The following GBE1 variants were observed in gnomAD, a reference collection of about 807,000 sequenced individuals.
The protein encoded by GBE1 is 1,4-alpha-glucan-branching enzyme.
GBE1 carries 70 observed loss-of-function variants against 88.8 expected under a neutral mutation model. The observed-to-expected ratio is 0.79, with a 90% CI of 0.65 to 0.96. The LOEUF (loss-of-function observed/expected upper bound fraction) is 0.96. GBE1 is among the 40% of genes least tolerant of loss of function. The pLI, the probability that GBE1 is intolerant of heterozygous loss-of-function variation, is 0.00. For synonymous variants in GBE1, 284 were observed against 300.1 expected, an observed-to-expected ratio of 0.95 and a Z score of 0.56; for missense variants, 872 against 871.0, an observed-to-expected ratio of 1.00 and a Z score of -0.01.
At chr3:81,663,030 G>A (rs138358300) in intron 3 of GBE1, among the ~76,000 whole-genome samples, 157 of 152,282 alleles carry the variant, frequency 1.0e-3, no homozygotes, top group African/African-American at 3.4e-3. Flanking sequence ...GTCACAAAGA[G>A]TGGAAAACTC....
chr3:81,540,545 C>G (rs571838560), intron 12 of GBE1, among the ~76,000 whole-genome samples: 1 of 152,128 alleles, frequency 6.6e-6, no homozygotes, highest in East Asian at 1.9e-4. Context: ...ATACAGGTAA[C>G]AAGGATGAAT....
At chr3:81,741,235 C>G (rs1407387677) in intron 1 of GBE1, among the ~76,000 whole-genome samples, 1 of 152,062 alleles carries the variant, frequency 6.6e-6, no homozygotes, top group Non-Finnish European at 1.5e-5. Flanking sequence ...TCCATTAATG[C>G]AAAAGTGGTT....
intron 3 of GBE1, among the ~76,000 whole-genome samples, chr3:81,668,839 T>TAG (rs1221320025): frequency 6.6e-6 from 1 of 152,192 alleles, no homozygotes; most frequent in Non-Finnish European, 1.5e-5. Context: ...CTTAGCTTGA[T>TAG]AGTTACTTCC....
At chr3:81,581,648 C>T (rs979147303) in intron 10 of GBE1, among the ~76,000 whole-genome samples, 3 of 151,970 alleles carry the variant, frequency 2.0e-5, no homozygotes, top group Admixed American at 6.6e-5. Flanking sequence ...GGTAGAGATA[C>T]ACTTGTTATA....
At chr3:81,520,990 G>A (rs981609045) in intron 14 of GBE1, among the ~76,000 whole-genome samples, 1 of 151,426 alleles carries the variant, frequency 6.6e-6, no homozygotes, top group South Asian at 2.1e-4. Flanking sequence ...TTTTCCAAAC[G>A]TATTCTCTTA....
At chr3:81,590,094 T>C (rs1369549432) in intron 9 of GBE1, among the ~76,000 whole-genome samples, 1 of 152,080 alleles carries the variant, frequency 6.6e-6, no homozygotes, top group Non-Finnish European at 1.5e-5. Context: ...AATAAAACTA[T>C]TCTCCTCTAT....
chr3:81,679,223 C>T (rs1293632801), intron 2 of GBE1, among the ~76,000 whole-genome samples: 2 of 152,130 alleles, frequency 1.3e-5, no homozygotes, highest in Non-Finnish European at 1.5e-5. Flanking sequence ...TCTTTTCTTG[C>T]TATCAATTAT....
intron 1 of GBE1, 147 bp downstream of exon 1, chr3:81,761,228 C>G (rs1706679267): frequency 2.9e-6 from 3 of 1,051,458 alleles, no homozygotes; most frequent in Non-Finnish European, 4.1e-6. Flanking sequence ...CCCGGTTACC[C>G]GAGTCACCCC....
At chr3:81,660,906 C>G (rs1214135748) in intron 3 of GBE1, among the ~76,000 whole-genome samples, 2 of 152,054 alleles carry the variant, frequency 1.3e-5, no homozygotes, top group Non-Finnish European at 2.9e-5. Context: ...TGTAGGCATA[C>G]CTTTATTCAT....
At chr3:81,701,568 AT>A in intron 2 of GBE1, among the ~76,000 whole-genome samples, 1 of 152,078 alleles carries the variant, frequency 6.6e-6, no homozygotes, top group East Asian at 1.9e-4. Context: ...AAGGTACAAA[AT>A]TTCTCACATT....
intron 2 of GBE1, among the ~76,000 whole-genome samples, chr3:81,678,683 A>G (rs1030901309): frequency 1.3e-5 from 2 of 152,160 alleles, no homozygotes; most frequent in African/African-American, 4.8e-5. Context: ...AAGAAAATGC[A>G]CAGATTAGTA....
At chr3:81,503,776 G>A (rs1702620320) in intron 14 of GBE1, among the ~76,000 whole-genome samples, 1 of 152,084 alleles carries the variant, frequency 6.6e-6, no homozygotes, top group Non-Finnish European at 1.5e-5. Context: ...CCAAGAATAC[G>A]GCAGTGTTTT....
intron 1 of GBE1, 35 bp downstream of exon 1, chr3:81,761,340 C>A: frequency 6.3e-7 from 1 of 1,579,608 alleles, no homozygotes; most frequent in Non-Finnish European, 8.6e-7. Flanking sequence ...GGCGGGCTGC[C>A]TGTCTAAGTG....
intron 2 of GBE1, among the ~76,000 whole-genome samples, chr3:81,678,923 T>C (rs899187258): frequency 1.3e-5 from 2 of 152,138 alleles, no homozygotes; most frequent in African/African-American, 4.8e-5. Context: ...TGATAAGAGT[T>C]ATTATGTTAC....
At chr3:81,608,538 C>T (rs1704132434) in intron 7 of GBE1, among the ~76,000 whole-genome samples, 1 of 152,124 alleles carries the variant, frequency 6.6e-6, no homozygotes, top group African/African-American at 2.4e-5. Flanking sequence ...GTGATATTTG[C>T]TATTTCACTG....
intron 14 of GBE1, among the ~76,000 whole-genome samples, chr3:81,532,512 G>A (rs999071458): frequency 2.0e-5 from 3 of 152,036 alleles, no homozygotes; most frequent in African/African-American, 7.2e-5. Flanking sequence ...TTTAGTTCAT[G>A]CCCTAATTAT....
chr3:81,602,856 ACTTTTGAGACAGT>A (rs1465778876), intron 7 of GBE1, among the ~76,000 whole-genome samples: 5 of 152,172 alleles, frequency 3.3e-5, no homozygotes, highest in African/African-American at 1.2e-4. Context: ...CAAAGAAAAT[ACTTTTGAGACAGT>A]CTTTCCAGCA....
At chr3:81,622,066 T>C (rs1369447174) in intron 7 of GBE1, among the ~76,000 whole-genome samples, 2 of 152,170 alleles carry the variant, frequency 1.3e-5, no homozygotes, top group Non-Finnish European at 2.9e-5. Context: ...ACTTTTGACC[T>C]CCATTCCAGC....
At chr3:81,696,459 T>A (rs1174264841) in intron 2 of GBE1, among the ~76,000 whole-genome samples, 3 of 152,210 alleles carry the variant, frequency 2.0e-5, no homozygotes, top group Non-Finnish European at 4.4e-5. Context: ...TTAAAATGAA[T>A]AGTTTTGTTG....
Sources: allele counts gnomAD v4.1 joint callset (sites outside exome capture counted in the v4.1 genomes callset), GRCh38; gene constraint gnomAD v4.1.1; transcripts MANE v1.5; gene names NCBI Gene and HGNC (gene_info 2026-07-23, HGNC 2026-07-21).